The following SMURF1 variants were observed in gnomAD, a reference collection of about 807,000 sequenced individuals.
SMURF1 encodes SMAD specific E3 ubiquitin protein ligase 1, also known as E3 ubiquitin-protein ligase SMURF1.
A neutral mutation model predicts 98.0 loss-of-function variants in SMURF1; 44 were observed. That is an observed-to-expected ratio of 0.45 (90% CI 0.35 to 0.58). SMURF1 has a LOEUF of 0.58. SMURF1 is among the 20% of genes least tolerant of loss of function. The pLI, the probability that SMURF1 is intolerant of heterozygous loss-of-function variation, is 0.00. For missense variants in SMURF1, 687 were observed against 938.4 expected (o/e 0.73, Z 3.50); for synonymous variants, 396 against 374.9 (o/e 1.06, Z -0.65).
At chr7:99,094,911 G>A (rs1435125575) in intron 1 of SMURF1, among the ~76,000 whole-genome samples, 3 of 152,086 alleles carry the variant, frequency 2.0e-5, no homozygotes, top group Non-Finnish European at 4.4e-5. Flanking sequence ...CCAGCCAGAG[G>A]CTCCCTCAGT....
At chr7:99,042,063 C>T in intron 12 of SMURF1, 55 bp downstream of exon 12, 1 of 1,371,752 alleles carries the variant, frequency 7.3e-7, no homozygotes, top group Admixed American at 1.7e-5. Flanking sequence ...AACTGAAAAT[C>T]CATCTCAAAA....
At chr7:99,130,877 C>G (rs895807325) in intron 1 of SMURF1, among the ~76,000 whole-genome samples, 2 of 152,190 alleles carry the variant, frequency 1.3e-5, no homozygotes, top group African/African-American at 2.4e-5. Flanking sequence ...ATCCCATCAT[C>G]CCAGCCACAG....
chr7:99,119,615 T>C (rs919013296), intron 1 of SMURF1, among the ~76,000 whole-genome samples: 3 of 152,166 alleles, frequency 2.0e-5, no homozygotes, highest in African/African-American at 7.2e-5. Flanking sequence ...GCTGTGTATG[T>C]GACAACAGCC....
In SMURF1 at chr7:99,057,605, GTTTTT is replaced by G. The variant is rs548576398; in HGVS notation, c.204-59_204-55del. ...AATTGTGTTTGGTTTTTTTTGTTTTGTTTTTTTTTTTTTTTGAGATAGAATCCTGC... is the reference window on the plus strand; with the variant it reads ...AATTGTGTTTGGTTTTTTTTGTTTTGTTTTTTTTTTGAGATAGAATCCTGC... On this transcript the variant is annotated intron_variant, in intron 3 of 17. Coordinates refer to ENST00000361368, the MANE Select transcript of SMURF1 (RefSeq NM_181349.3). 1.6e-5 allele frequency: 18 copies of G among 1,105,236 alleles called. 1 individual carries two copies. The highest frequency in any genetic ancestry group is 2.9e-5 in the African/African-American group (1 of 34,674). 68.5% of individuals were successfully genotyped at this position (1,105,236 alleles called of 1,614,324 possible).
chr7:99,136,695 A>G (rs1798000412), intron 1 of SMURF1, among the ~76,000 whole-genome samples: 1 of 152,210 alleles, frequency 6.6e-6, no homozygotes, highest in Non-Finnish European at 1.5e-5. Context: ...TCATGCCTGT[A>G]ATCCACGTAC....
At position 99,143,849 on chromosome 7, in the gene SMURF1, G is replaced by A. The variant is rs1798209689; in HGVS notation, c.-69C>T. Reference sequence around the variant, plus strand: ...CCCCAGCCCGGCCCGGCCCGGCCCCGCCGCCGCCGCCTCAAGGTTACGGCT... The same window carrying A: ...CCCCAGCCCGGCCCGGCCCGGCCCCACCGCCGCCGCCTCAAGGTTACGGCT... On this transcript the variant is annotated 5_prime_UTR_variant, in exon 1 of 18. Coordinates refer to ENST00000361368, the MANE Select transcript of SMURF1 (RefSeq NM_181349.3). 3.0e-6 allele frequency: 4 copies of A among 1,313,818 alleles called. No homozygotes were observed. The highest frequency in any genetic ancestry group is 6.3e-5 in the Admixed American group (2 of 31,720). The allele number at this position is 1,313,818 out of a possible 1,614,324, so 81.4% of individuals were successfully genotyped here.
intron 1 of SMURF1, among the ~76,000 whole-genome samples, chr7:99,131,080 A>G (rs553876143): frequency 1.3e-5 from 2 of 152,296 alleles, no homozygotes; most frequent in South Asian, 4.1e-4. Context: ...AATAGTGCTG[A>G]GGTCAAAACA....
At chr7:99,075,183 A>G (rs1240778419) in intron 1 of SMURF1, among the ~76,000 whole-genome samples, 3 of 152,206 alleles carry the variant, frequency 2.0e-5, no homozygotes, top group Non-Finnish European at 2.9e-5. Context: ...CAGTGGCACA[A>G]TCACAGCTCA....
rs1027457570 is a variant in SMURF1, at chr7:99,028,369, C to T, written c.*2215G>A. 4.6e-5 allele frequency: 7 copies of T among 152,298 alleles called. No homozygotes were observed. Among genetic ancestry groups the T allele is most frequent in the African/African-American group, 1.7e-4 (7 of 41,430 alleles). The allele number at this position is 152,298 out of a possible 1,614,324, so 9.4% of individuals were successfully genotyped here. On this transcript the variant is annotated 3_prime_UTR_variant, in exon 18 of 18. Coordinates refer to ENST00000361368, the MANE Select transcript of SMURF1 (RefSeq NM_181349.3). ...GCTCTGGAAAGGTCTGCGACACTCA[C>T]ACAACCGATGACAAGGCGGCAAACC...
At chr7:99,064,933 T>C (rs1029089051) in intron 1 of SMURF1, among the ~76,000 whole-genome samples, 2 of 152,206 alleles carry the variant, frequency 1.3e-5, no homozygotes, top group African/African-American at 2.4e-5. Flanking sequence ...GCTAGTCTCA[T>C]GTGCTTATTT....
chr7:99,112,238 TA>T (rs1797341022), intron 1 of SMURF1, among the ~76,000 whole-genome samples: 1 of 152,106 alleles, frequency 6.6e-6, no homozygotes, highest in Admixed American at 6.5e-5. Flanking sequence ...AAACAGGAAG[TA>T]AAAACTAAGA....
At chr7:99,121,875 C>A (rs1197749620) in intron 1 of SMURF1, among the ~76,000 whole-genome samples, 1 of 152,188 alleles carries the variant, frequency 6.6e-6, no homozygotes, top group African/African-American at 2.4e-5. Context: ...ATTGTTCCAA[C>A]GAGCTGCCAA....
At chr7:99,120,691 A>C (rs1161043531) in intron 1 of SMURF1, 4 of 151,992 alleles carry the variant, frequency 2.6e-5, no homozygotes, top group African/African-American at 9.7e-5. Context: ...GCTTAATTTA[A>C]GGAAGTATTC....
At chr7:99,138,261 A>G (rs978868972) in intron 1 of SMURF1, among the ~76,000 whole-genome samples, 1 of 152,234 alleles carries the variant, frequency 6.6e-6, no homozygotes, top group African/African-American at 2.4e-5. Context: ...TATTTCATCC[A>G]TTTGAGGCTT....
chr7:99,088,544 A>G (rs1381057008), intron 1 of SMURF1, among the ~76,000 whole-genome samples: 1 of 152,030 alleles, frequency 6.6e-6, no homozygotes, highest in African/African-American at 2.4e-5. Context: ...CACTAAAAGT[A>G]GTGACTATGC....
At chr7:99,035,392 G>A in intron 16 of SMURF1, 123 bp downstream of exon 16, 1 of 1,154,206 alleles carries the variant, frequency 8.7e-7, no homozygotes, top group Non-Finnish European at 1.2e-6. Flanking sequence ...AGCTACTGGA[G>A]AACATTCCTT....
intron 1 of SMURF1, among the ~76,000 whole-genome samples, chr7:99,082,391 A>G (rs1796592917): frequency 6.6e-6 from 1 of 152,144 alleles, no homozygotes; most frequent in African/African-American, 2.4e-5. Context: ...TTCTCCTAGG[A>G]GTTCTTGAGG....
intron 11 of SMURF1, among the ~76,000 whole-genome samples, chr7:99,044,442 C>T (rs189205855): frequency 1.3e-5 from 2 of 152,344 alleles, no homozygotes; most frequent in Admixed American, 1.3e-4. Flanking sequence ...TATAAACTTT[C>T]ATCCCTTTAC....
intron 1 of SMURF1, among the ~76,000 whole-genome samples, chr7:99,140,474 G>C (rs536104674): frequency 6.6e-6 from 1 of 151,966 alleles, no homozygotes; most frequent in African/African-American, 2.4e-5. Context: ...TTCTACTAGA[G>C]ACGAGGTTTC....
Sources: allele counts gnomAD v4.1 joint callset (sites outside exome capture counted in the v4.1 genomes callset), GRCh38; gene constraint gnomAD v4.1.1; transcripts MANE v1.5; gene names NCBI Gene and HGNC (gene_info 2026-07-23, HGNC 2026-07-21).